USP24: variants seen among roughly 807,000 people sequenced by gnomAD.
USP24 encodes ubiquitin specific peptidase 24.
USP24 carries 97 observed loss-of-function variants against 361.6 expected under a neutral mutation model. That is an observed-to-expected ratio of 0.27 (90% CI 0.23 to 0.32). USP24 has a LOEUF of 0.32. Ranked by LOEUF, USP24 falls within the 10% of genes least tolerant of loss-of-function variation. The pLI, the probability that USP24 is intolerant of heterozygous loss-of-function variation, is 1.00. For synonymous variants in USP24, 1,098 were observed against 1,124.6 expected, an observed-to-expected ratio of 0.98 and a Z score of 0.47; for missense variants, 2,353 against 3,165.6, an observed-to-expected ratio of 0.74 and a Z score of 6.16.
chr1:55,102,703 GGTTT>G lies in USP24; in HGVS notation c.5026-1004_5026-1001del, dbSNP rs1383614915. ...AAGCATAGATTTAAAAAAAAAAACT[GGTTT>G]GTAACAGTGCTAAAAATATAAATAT... is the stretch of plus-strand genomic sequence containing the variant. On this transcript the variant is annotated intron_variant, in intron 42 of 67. Coordinates refer to ENST00000294383, the MANE Select transcript of USP24 (RefSeq NM_015306.3). Among the ~76,000 whole-genome samples the G allele has an allele frequency of 8.6e-5, 13 of 151,666 alleles. No homozygotes were observed. In the East Asian group the frequency reaches 2.1e-3, roughly 25 times the overall value.
chr1:55,187,134 C>T (rs1317855940), intron 1 of USP24, among the ~76,000 whole-genome samples: 1 of 151,866 alleles, frequency 6.6e-6, no homozygotes, highest in Admixed American at 6.6e-5. Context: ...AAACAAAAAA[C>T]CAATCAATAT....
intron 2 of USP24, 137 bp downstream of exon 2, chr1:55,177,830 T>C (rs1650142479): frequency 2.6e-6 from 2 of 756,898 alleles, no homozygotes; most frequent in Admixed American, 3.3e-5. Flanking sequence ...GCTTTTCTTC[T>C]GCAGGAGATA....
chr1:55,133,349 C>A (rs1420486841), intron 30 of USP24, among the ~76,000 whole-genome samples: 1 of 152,086 alleles, frequency 6.6e-6, no homozygotes, highest in Non-Finnish European at 1.5e-5. Flanking sequence ...AAATGATAAT[C>A]CATTTATATT....
chr1:55,190,282 G>T (rs1440408125), intron 1 of USP24, among the ~76,000 whole-genome samples: 2 of 152,024 alleles, frequency 1.3e-5, no homozygotes, highest in Non-Finnish European at 2.9e-5. Flanking sequence ...GGAAGCAACA[G>T]CGCGTTATAC....
intron 46 of USP24, 48 bp downstream of exon 46, chr1:55,098,428 C>G: frequency 6.6e-7 from 1 of 1,523,172 alleles, no homozygotes; most frequent in Non-Finnish European, 9.0e-7. Context: ...AAACAAATCA[C>G]TTCAAAAGGA....
intron 67 of USP24, among the ~76,000 whole-genome samples, chr1:55,070,596 G>A (rs1644902043): frequency 6.6e-6 from 1 of 152,224 alleles, no homozygotes; most frequent in Admixed American, 6.5e-5. Context: ...AGGCTGAAGA[G>A]CGAGTGAGAG....
At chr1:55,134,467 T>C (rs1280475829) in intron 28 of USP24, 54 bp from the exon 29 acceptor site, 12 of 1,469,332 alleles carry the variant, frequency 8.2e-6, no homozygotes, top group Non-Finnish European at 1.0e-5. Flanking sequence ...TGTTCTCCTT[T>C]CCTAATCAAA....
intron 38 of USP24, among the ~76,000 whole-genome samples, chr1:55,117,742 CAAAAAAAAAAAA>C (rs58149121): frequency 1.2e-4 from 8 of 66,846 alleles, no homozygotes; most frequent in African/African-American, 3.1e-4. Context: ...GACTCCGTCT[CAAAAAAAAAAAA>C]AAAAAAAAAA....
chr1:55,191,076 C>A (rs567396837), intron 1 of USP24, among the ~76,000 whole-genome samples: 1 of 152,258 alleles, frequency 6.6e-6, no homozygotes, highest in South Asian at 2.1e-4. Flanking sequence ...ACAGCTCTGG[C>A]ACGAAGGTAG....
intron 1 of USP24, among the ~76,000 whole-genome samples, chr1:55,199,033 T>C (rs1644490817): frequency 6.6e-6 from 1 of 152,214 alleles, no homozygotes; most frequent in Admixed American, 6.5e-5. Context: ...CTCACACCTG[T>C]AATCCTGGCA....
Position 55,171,545 on chromosome 1 carries a change from A to G in USP24, c.825+11T>C. 2 of 1,602,004 alleles carry G rather than the reference A, an allele frequency of 1.2e-6. No individual in the cohort carries two copies. Among genetic ancestry groups the G allele is most frequent in the Non-Finnish European group, 1.7e-6 (2 of 1,174,300 alleles). On this transcript the variant is annotated intron_variant, in intron 5 of 67. Coordinates refer to ENST00000294383, the MANE Select transcript of USP24 (RefSeq NM_015306.3). Reference sequence around the variant, plus strand: ...TTTTTCTATAAAAAGATGAAACTAAATGATGTTTACCTTTTGGAAAGTCGA... The same window carrying G: ...TTTTTCTATAAAAAGATGAAACTAAGTGATGTTTACCTTTTGGAAAGTCGA...
intron 1 of USP24, among the ~76,000 whole-genome samples, chr1:55,188,518 A>G (rs563311197): frequency 1.3e-5 from 2 of 152,234 alleles, no homozygotes; most frequent in East Asian, 3.9e-4. Flanking sequence ...CAAATAACCT[A>G]ATAAAAAATG....
chr1:55,159,712 G>C, intron 8 of USP24, 27 bp from the exon 9 acceptor site: 1 of 1,540,892 alleles, frequency 6.5e-7, no homozygotes, highest in Non-Finnish European at 8.8e-7. Context: ...CTACAGTTAA[G>C]AACTCCCGAA....
Position 55,205,758 on chromosome 1 carries a change from T to C in USP24, c.324+9032A>G, listed in dbSNP as rs568650648. On this transcript the variant is annotated intron_variant, in intron 1 of 67. Coordinates refer to ENST00000294383, the MANE Select transcript of USP24 (RefSeq NM_015306.3). ...AGTTTTAATAAAGTTTATATACTTT[T>C]TAAAAACTCATGAAGGAAAAATTCT... Among the ~76,000 whole-genome samples, 4 of 152,304 alleles carry C rather than the reference T, an allele frequency of 2.6e-5. No individual in the cohort carries two copies. The East Asian group carries it at 7.7e-4, about 29-fold the overall frequency.
intron 1 of USP24, among the ~76,000 whole-genome samples, chr1:55,180,973 T>C (rs1252212125): frequency 6.6e-6 from 1 of 152,078 alleles, no homozygotes; most frequent in Admixed American, 6.5e-5. Flanking sequence ...ACTGCCAGAC[T>C]TTCCTTCAGT....
chr1:55,083,168 A>G, intron 58 of USP24, 104 bp downstream of exon 58: 3 of 1,114,910 alleles, frequency 2.7e-6, no homozygotes, highest in Non-Finnish European at 3.9e-6. Context: ...TGGTACTACT[A>G]CTTAGACTTT....
chr1:55,130,109 G>A (rs1646549185), intron 31 of USP24, among the ~76,000 whole-genome samples: 1 of 152,194 alleles, frequency 6.6e-6, no homozygotes, highest in Non-Finnish European at 1.5e-5. Flanking sequence ...AAATCCAGAT[G>A]TGTCTCATTC....
chr1:55,088,419 A>AT (rs1232898080), intron 55 of USP24, among the ~76,000 whole-genome samples: 1 of 152,222 alleles, frequency 6.6e-6, no homozygotes, highest in Admixed American at 6.5e-5. Flanking sequence ...AAAATTCTAG[A>AT]AAGTAAAGAT....
At chr1:55,190,585 T>C (rs1644260545) in intron 1 of USP24, among the ~76,000 whole-genome samples, 1 of 152,228 alleles carries the variant, frequency 6.6e-6, no homozygotes, top group Non-Finnish European at 1.5e-5. Context: ...ATTTTCTCAT[T>C]AGATGCCAAA....
Sources: allele counts gnomAD v4.1 joint callset (sites outside exome capture counted in the v4.1 genomes callset), GRCh38; gene constraint gnomAD v4.1.1; transcripts MANE v1.5; gene names NCBI Gene and HGNC (gene_info 2026-07-23, HGNC 2026-07-21).